PLXNB2: variants seen among roughly 807,000 people sequenced by gnomAD.
PLXNB2 encodes the protein plexin-B2.
PLXNB2 carries 85 observed loss-of-function variants against 202.6 expected under a neutral mutation model. The ratio of observed to expected loss-of-function variants is 0.42; its 90% CI spans 0.35 to 0.50. The LOEUF is 0.50. PLXNB2 is among the 20% of genes least tolerant of loss of function. The pLI is 0.02. For missense variants in PLXNB2, 2,063 were observed against 2,586.2 expected, an observed-to-expected ratio of 0.80 and a Z score of 4.39; for synonymous variants, 1,239 against 1,137.6, an observed-to-expected ratio of 1.09 and a Z score of -1.79.
At chr22:50,292,017 G>A (rs1337792157) in intron 2 of PLXNB2, among the ~76,000 whole-genome samples, 1 of 152,160 alleles carries the variant, frequency 6.6e-6, no homozygotes, top group Non-Finnish European at 1.5e-5. Flanking sequence ...TCATCCCCTC[G>A]AAACGCAATC....
At chr22:50,277,450 C>T (rs765057101) in intron 33 of PLXNB2, 141 bp downstream of exon 33, 1 of 848,826 alleles carries the variant, frequency 1.2e-6, no homozygotes. Flanking sequence ...CCCCCAGCCT[C>T]CGCCACCCGT....
chr22:50,281,944 C>T lies in PLXNB2; in HGVS notation c.3255G>A (p.Glu1085=). ...MDGHRALLRT[E]AGAFEYVPDP... is the part of the protein sequence containing the mutation. Reference sequence around the variant, plus strand: ...CAGGCACGTACTCGAAGGCCCCGGCCTCTGTTCTGAGCAGGGCACGGTGCC... The same window carrying T: ...CAGGCACGTACTCGAAGGCCCCGGCTTCTGTTCTGAGCAGGGCACGGTGCC... Residue 1085 remains glutamate, a synonymous_variant, in exon 20 of 37, where the codon GAG becomes GAA. Transcript: ENST00000359337. 6.2e-7 allele frequency: 1 copy of T among 1,613,188 alleles called. No homozygotes were observed. Among genetic ancestry groups the T allele is most frequent in the African/African-American group, 1.3e-5 (1 of 75,062 alleles).
intron 18 of PLXNB2, 120 bp from the exon 19 acceptor site, chr22:50,282,433 C>G: frequency 9.2e-7 from 1 of 1,082,954 alleles, no homozygotes; most frequent in African/African-American, 1.6e-5. Flanking sequence ...ATGTGTGGGT[C>G]TCGGTGGGCA....
At position 50,288,846 on chromosome 22, in the gene PLXNB2, G is replaced by A. The variant is rs1005391338; in HGVS notation, c.1277C>T (p.Ser426Phe). Residue 426 changes from serine (S) to phenylalanine (F), a missense_variant, in exon 5 of 37, where the codon TCC becomes TTC. Around this residue, in one of 2 missense-constraint regions of PLXNB2, gnomAD observed 1,303 missense variants for 1,476.8 expected, o/e 0.88. Transcript: ENST00000359337. The surrounding 1 kb of genome is among the most constrained non-coding windows in gnomAD (Gnocchi z 5.0). ...CACAAGGATAGAGTCGTACTCTGAG[G>A]AGGTGCCATCTGGGGTGAGGTACAC... ...LKVYLTPDGT[S>F]SEYDSILVEI... is the part of the protein sequence containing the mutation. 15 of 1,613,344 alleles carry A rather than the reference G, an allele frequency of 9.3e-6. No homozygotes were observed. The highest frequency in any genetic ancestry group is 6.7e-5 in the East Asian group (3 of 44,886).
intron 28 of PLXNB2, 64 bp downstream of exon 28, chr22:50,278,791 C>G: frequency 6.3e-7 from 1 of 1,592,810 alleles, no homozygotes; most frequent in Non-Finnish European, 8.6e-7. Flanking sequence ...GGCAGGATAC[C>G]GCCCCAGGAC....
chr22:50,306,589 A>C (rs891670819), intron 1 of PLXNB2, among the ~76,000 whole-genome samples: 1 of 145,360 alleles, frequency 6.9e-6, no homozygotes, highest in Non-Finnish European at 1.5e-5. Context: ...GCAAGGGCCG[A>C]AGTCAGACAT....
chr22:50,289,204 G>A lies in PLXNB2; in HGVS notation c.1069-62C>T, dbSNP rs867899151. The A allele has an allele frequency of 1.4e-5, 20 of 1,400,238 alleles. No individual in the cohort carries two copies. The highest frequency in any genetic ancestry group is 1.8e-4 in the Middle Eastern group (1 of 5,488). 86.7% of individuals were successfully genotyped at this position (1,400,238 alleles called of 1,614,324 possible). Reference sequence around the variant, plus strand: ...CTGTCCTGAAGGGCCCTCTCCACTCGCGCTCCAAGACTCGGGACAGGCCCT... The same window carrying A: ...CTGTCCTGAAGGGCCCTCTCCACTCACGCTCCAAGACTCGGGACAGGCCCT... On this transcript the variant is annotated intron_variant, in intron 3 of 36. Coordinates refer to ENST00000359337, the MANE Select transcript of PLXNB2 (RefSeq NM_012401.4). This position sits in a 1 kb window ranked among gnomAD's most constrained non-coding sequence, Gnocchi z 8.0.
chr22:50,275,071 C>T lies in PLXNB2; in HGVS notation c.*633G>A, dbSNP rs923952628. 2.6e-5 allele frequency: 5 copies of T among 196,042 alleles called. No homozygotes were observed. The highest frequency in any genetic ancestry group is 7.2e-5 in the African/African-American group (3 of 41,916). The allele number at this position is 196,042 out of a possible 1,614,324, so 12.1% of individuals were successfully genotyped here. ...TGGAACTGCTCCCAGTCCCCCCGGACTGGGTGGGGCTCTAGGGCAGCCTGT... is the reference window on the plus strand; with the variant it reads ...TGGAACTGCTCCCAGTCCCCCCGGATTGGGTGGGGCTCTAGGGCAGCCTGT... On this transcript the variant is annotated 3_prime_UTR_variant, in exon 37 of 37. Transcript: ENST00000359337.
In PLXNB2 at chr22:50,289,970, G is replaced by T. The variant is rs762875522; in HGVS notation, c.615C>A (p.Thr205=). 1.9e-6 allele frequency: 3 copies of T among 1,613,350 alleles called. No homozygotes were observed. Among genetic ancestry groups the T allele is most frequent in the Non-Finnish European group, 2.5e-6 (3 of 1,180,030 alleles). The change falls in exon 3 of 37, where the codon ACC becomes ACA. Residue 205 remains threonine, a synonymous_variant. Transcript: ENST00000359337. This position sits in a 1 kb window ranked among gnomAD's most constrained non-coding sequence, Gnocchi z 8.0. ...EAFEAYTDHA[T]YKAGYLSTNT... ...TGGTGGACAGGTAGCCGGCCTTGTA[G>T]GTGGCGTGGTCCGTGTAGGCTTCAA...
intron 1 of PLXNB2, among the ~76,000 whole-genome samples, chr22:50,295,975 G>A (rs766468448): frequency 4.6e-5 from 7 of 152,076 alleles, no homozygotes; most frequent in South Asian, 4.2e-4. Flanking sequence ...AGTGGTGCGC[G>A]CCTGTAATCC....
chr22:50,276,027 T>A, intron 35 of PLXNB2, 64 bp from the exon 36 acceptor site: 1 of 1,486,238 alleles, frequency 6.7e-7, no homozygotes. Flanking sequence ...CTGGCAGGAG[T>A]AGTACGGGAC....
Position 50,288,635 on chromosome 22 carries a change from C to T in PLXNB2, c.1380+108G>A. 2 of 1,475,748 alleles carry T rather than the reference C, an allele frequency of 1.4e-6. No individual in the cohort carries two copies. The highest frequency in any genetic ancestry group is 1.8e-6 in the Non-Finnish European group (2 of 1,096,486). The allele number at this position is 1,475,748 out of a possible 1,614,324, so 91.4% of individuals were successfully genotyped here. A position where few individuals can be genotyped will look rare whatever the true frequency, so the allele number is the denominator to read the frequency against. On this transcript the variant is annotated intron_variant, in intron 5 of 36. Transcript: ENST00000359337. This position sits in a 1 kb window ranked among gnomAD's most constrained non-coding sequence, Gnocchi z 5.0. The stretch of plus-strand genomic sequence containing the variant: ...CCAGACCAAGGAGAAGGGCCCAGCT[C>T]TGCAGCACCCCATCCTCCTCTGGCC...
intron 31 of PLXNB2, 47 bp from the exon 32 acceptor site, chr22:50,278,060 G>A (rs772854645): frequency 6.2e-7 from 1 of 1,600,436 alleles, no homozygotes; most frequent in Non-Finnish European, 8.5e-7. Flanking sequence ...GCGGCTCCTG[G>A]GGGGGAGGGT....
intron 1 of PLXNB2, chr22:50,301,456 A>T (rs901685290): frequency 4.0e-5 from 37 of 934,778 alleles, no homozygotes; most frequent in Admixed American, 1.2e-4. Context: ...TCATCAGGAC[A>T]GGACATGCGG....
chr22:50,282,659 G>A (rs1244978372), intron 18 of PLXNB2, 52 bp downstream of exon 18: 4 of 1,327,648 alleles, frequency 3.0e-6, no homozygotes, highest in Non-Finnish European at 3.2e-6. Flanking sequence ...AGGGCACTGA[G>A]GAGGCAGCTG....
Position 50,275,599 on chromosome 22 carries a change from C to T in PLXNB2, c.*105G>A. Reference sequence around the variant, plus strand: ...ACCCACTCCGGCTTGGGGCGCGTTCCAGGGGAGGGTGGGGGCCTCAGCCAC... The same window carrying T: ...ACCCACTCCGGCTTGGGGCGCGTTCTAGGGGAGGGTGGGGGCCTCAGCCAC... On this transcript the variant is annotated 3_prime_UTR_variant, in exon 37 of 37. Transcript: ENST00000359337. 1.3e-6 allele frequency: 1 copy of T among 786,480 alleles called. No homozygotes were observed. Among genetic ancestry groups the T allele is most frequent in the African/African-American group, 1.7e-5 (1 of 57,626 alleles). The allele number at this position is 786,480 out of a possible 1,614,324, so 48.7% of individuals were successfully genotyped here.
chr22:50,287,715 G>C lies in PLXNB2; in HGVS notation c.1560C>G (p.Ala520=). The part of the protein sequence containing the change: ...WLWSRSKSCV[A]VTSAQPQNMS... ...TGTTCTGTGGCTGGGCGCTGGTGAC[G>C]GCCACGCAGGACTTGCTTCGGCTCC... The change falls in exon 7 of 37, where the codon GCC becomes GCG. Residue 520 remains alanine, a synonymous_variant. Coordinates refer to ENST00000359337, the MANE Select transcript of PLXNB2 (RefSeq NM_012401.4). 1 of 1,566,718 alleles carries C rather than the reference G, an allele frequency of 6.4e-7. No individual in the cohort carries two copies. Among genetic ancestry groups the C allele is most frequent in the Non-Finnish European group, 8.6e-7 (1 of 1,161,160 alleles).
chr22:50,276,317 G>C (rs1459580877), intron 35 of PLXNB2, among the ~76,000 whole-genome samples: 390 of 72,056 alleles, frequency 5.4e-3, no homozygotes, highest in Middle Eastern at 7.7e-3. Context: ...GCCGTGGATG[G>C]AGCCGCAGGG....
In PLXNB2 at chr22:50,284,138, G is replaced by A; in HGVS notation, c.2257C>T (p.Leu753Phe). The A allele has an allele frequency of 6.2e-7, 1 of 1,611,430 alleles. No individual in the cohort carries two copies. The highest frequency in any genetic ancestry group is 1.7e-5 in the Admixed American group (1 of 59,970). ...KSYGKNIDSK[L>F]HVTLYNCSFG... Reference sequence around the variant, plus strand: ...CTGCGCCCGTGGCCCCCACCATGGAGCTTGCTGTCGATATTCTTGCCGTAA... The same window carrying A: ...CTGCGCCCGTGGCCCCCACCATGGAACTTGCTGTCGATATTCTTGCCGTAA... Residue 753 changes from leucine (L) to phenylalanine (F), a missense_variant, in exon 13 of 37, where the codon CTC becomes TTC. Around this residue, in one of 2 missense-constraint regions of PLXNB2, gnomAD observed 1,303 missense variants for 1,476.8 expected, o/e 0.88. Coordinates refer to ENST00000359337, the MANE Select transcript of PLXNB2 (RefSeq NM_012401.4). The surrounding 1 kb of genome is among the most constrained non-coding windows in gnomAD (Gnocchi z 8.0).
Sources: allele counts gnomAD v4.1 joint callset (sites outside exome capture counted in the v4.1 genomes callset), GRCh38; gene constraint gnomAD v4.1.1; regional missense constraint gnomAD v4.1.1; non-coding constraint Gnocchi (gnomAD v3.1); transcripts MANE v1.5; gene names NCBI Gene and HGNC (gene_info 2026-07-23, HGNC 2026-07-21).